Variants in ARHGEF6 observed in about 807,000 individuals in gnomAD.
ARHGEF6 encodes the protein Rac/Cdc42 guanine nucleotide exchange factor 6.
A neutral mutation model predicts 70.3 loss-of-function variants in ARHGEF6; 9 were observed. That is an observed-to-expected ratio of 0.13 (90% CI 0.08 to 0.22). ARHGEF6 has a LOEUF of 0.22. Ranked by LOEUF, ARHGEF6 falls within the 10% of genes least tolerant of loss-of-function variation. ARHGEF6 has a pLI of 1.00. For missense variants in ARHGEF6, 470 were observed against 563.0 expected, an observed-to-expected ratio of 0.83 and a Z score of 1.67; for synonymous variants, 201 against 207.8, an observed-to-expected ratio of 0.97 and a Z score of 0.28.
At chrX:136,774,712 A>T (rs2077390377) in intron 2 of ARHGEF6, among the ~76,000 whole-genome samples, 1 of 109,104 alleles carries the variant, frequency 9.2e-6, no homozygotes. Flanking sequence ...AGAAAAATTT[A>T]AAATTTCCTG....
At chrX:136,674,358 C>T (rs2076256437) in intron 19 of ARHGEF6, among the ~76,000 whole-genome samples, 1 of 112,410 alleles carries the variant, frequency 8.9e-6, no homozygotes, top group Non-Finnish European at 1.9e-5. Flanking sequence ...TAATGGGAGA[C>T]AAAAGACATA....
intron 2 of ARHGEF6, among the ~76,000 whole-genome samples, chrX:136,770,116 T>C (rs764955350): frequency 3.6e-5 from 4 of 112,218 alleles, no homozygotes; most frequent in African/African-American, 1.3e-4. Context: ...TGACATTATC[T>C]ATCACAATTT....
chrX:136,775,057 C>G (rs1050419913), intron 2 of ARHGEF6, among the ~76,000 whole-genome samples: 1 of 111,493 alleles, frequency 9.0e-6, no homozygotes, highest in Non-Finnish European at 1.9e-5. Context: ...ACATTCCGGG[C>G]ACTCTTCTGG....
At chrX:136,682,691 T>C in intron 13 of ARHGEF6, 67 bp downstream of exon 13, 1 of 867,600 alleles carries the variant, frequency 1.2e-6, no homozygotes. Context: ...AGTGGAGATA[T>C]TGCATCTGGA....
rs1340283160 is a variant in ARHGEF6, at chrX:136,727,411, CTCTT to C, written c.732+4687_732+4690del. Among the ~76,000 whole-genome samples the C allele has an allele frequency of 3.3e-3, 236 of 71,493 alleles. 3 individuals carry two copies. Among genetic ancestry groups the C allele is most frequent in the East Asian group, 0.011 (28 of 2,493 alleles). 62.1% of individuals were successfully genotyped at this position (71,493 alleles called of 115,157 possible). ...TTTCTTTCTTTCTCTCTCTCTCTCT[CTCTT>C]TCTTTCTTTCTTTCCTTCTTTCTTT... On this transcript the variant is annotated intron_variant, in intron 6 of 21. Coordinates refer to ENST00000250617, the MANE Select transcript of ARHGEF6 (RefSeq NM_004840.3).
At chrX:136,767,900 G>T (rs1395030412) in intron 2 of ARHGEF6, 3 of 603,518 alleles carry the variant, frequency 5.0e-6, no homozygotes, top group Non-Finnish European at 6.0e-6. Flanking sequence ...AGCAAAAGCC[G>T]CGGTGTACCC....
chrX:136,770,326 C>T (rs1389290119), intron 2 of ARHGEF6, among the ~76,000 whole-genome samples: 3 of 111,971 alleles, frequency 2.7e-5, no homozygotes, highest in Non-Finnish European at 5.6e-5. Flanking sequence ...TTTTAACAGA[C>T]GTAGAAAAAG....
Position 136,706,977 on chromosome X carries a change from T to C in ARHGEF6, c.977A>G (p.His326Arg). 1.7e-6 allele frequency: 2 copies of C among 1,211,012 alleles called. No individual in the cohort carries two copies. The highest frequency in any genetic ancestry group is 1.1e-6 in the Non-Finnish European group (1 of 894,683). The change falls in exon 9 of 22, where the codon CAT (histidine) becomes CGT (arginine). Residue 326 changes from histidine to arginine, a missense_variant. Coordinates refer to ENST00000250617, the MANE Select transcript of ARHGEF6 (RefSeq NM_004840.3). ...GTAAGCCAGATACATAGATTTAAAA[T>C]GAGGCATGAGACTCAGTAGACAACC... ...VGGCLLSLMP[H>R]FKSMYLAYCA...
At chrX:136,675,742 G>C (rs188395200) in intron 18 of ARHGEF6, among the ~76,000 whole-genome samples, 3 of 109,730 alleles carry the variant, frequency 2.7e-5, no homozygotes, top group Non-Finnish European at 3.8e-5. Context: ...GGATGGTCTC[G>C]ATCTCCTGAC....
intron 2 of ARHGEF6, among the ~76,000 whole-genome samples, chrX:136,748,940 C>A (rs1260023752): frequency 9.0e-6 from 1 of 111,569 alleles, no homozygotes; most frequent in Non-Finnish European, 1.9e-5. Flanking sequence ...AAGATACATG[C>A]AAATGCAAAC....
At chrX:136,671,099 G>A (rs1294624463) in intron 20 of ARHGEF6, among the ~76,000 whole-genome samples, 1 of 111,970 alleles carries the variant, frequency 8.9e-6, no homozygotes, top group South Asian at 3.7e-4. Context: ...ATTATTTATT[G>A]AGCTAGCCTT....
chrX:136,752,005 A>G (rs1448261296), intron 2 of ARHGEF6, among the ~76,000 whole-genome samples: 3 of 111,828 alleles, frequency 2.7e-5, no homozygotes, highest in Non-Finnish European at 5.6e-5. Flanking sequence ...GCCAATAAAG[A>G]TACACAAGAA....
In ARHGEF6 at chrX:136,716,725, G is replaced by A. The variant is rs779586412; in HGVS notation, c.733-3355C>T. 3.0e-3 allele frequency among the ~76,000 whole-genome samples: 336 copies of A among 112,104 alleles called. 2 individuals carry two copies. The highest frequency in any genetic ancestry group is 4.7e-3 in the Non-Finnish European group (249 of 53,163). ...GACTCTAACAGAAAAAGTAGACAAC[G>A]TGCAAGAATAGATGGATATTATAAG... On this transcript the variant is annotated intron_variant, in intron 6 of 21. Transcript: ENST00000250617.
At chrX:136,690,929 G>A (rs1214490078) in intron 9 of ARHGEF6, among the ~76,000 whole-genome samples, 181 bp from the exon 10 acceptor site, 1 of 111,202 alleles carries the variant, frequency 9.0e-6, no homozygotes, top group Non-Finnish European at 1.9e-5. Flanking sequence ...AGCTCCTTCT[G>A]TAAAATCAGC....
At chrX:136,732,749 A>G (rs2076948170) in intron 5 of ARHGEF6, among the ~76,000 whole-genome samples, 1 of 112,136 alleles carries the variant, frequency 8.9e-6, no homozygotes, top group African/African-American at 3.2e-5. Flanking sequence ...AAGGTAGGCT[A>G]GGCTAAGCTA....
chrX:136,682,046 C>G, intron 13 of ARHGEF6, 78 bp from the exon 14 acceptor site: 1 of 790,328 alleles, frequency 1.3e-6, no homozygotes, highest in Non-Finnish European at 1.9e-6. Context: ...TTCTGACCCT[C>G]TCAGCAAGGC....
intron 1 of ARHGEF6, among the ~76,000 whole-genome samples, chrX:136,780,422 T>G (rs2077438541): frequency 9.0e-6 from 1 of 111,645 alleles, no homozygotes; most frequent in African/African-American, 3.3e-5. Flanking sequence ...CAAGGAGATG[T>G]AACATGCATC....
intron 6 of ARHGEF6, among the ~76,000 whole-genome samples, chrX:136,719,337 G>A (rs1249492124): frequency 9.0e-6 from 1 of 111,384 alleles, no homozygotes; most frequent in Non-Finnish European, 1.9e-5. Context: ...GATCTCAGAC[G>A]ACAATGTAAT....
intron 6 of ARHGEF6, among the ~76,000 whole-genome samples, chrX:136,724,796 C>T (rs1352318674): frequency 8.9e-6 from 1 of 111,829 alleles, no homozygotes; most frequent in East Asian, 2.8e-4. Flanking sequence ...AGCTGTCACC[C>T]TCCCTTAAAG....
Sources: allele counts gnomAD v4.1 joint callset (sites outside exome capture counted in the v4.1 genomes callset), GRCh38; gene constraint gnomAD v4.1.1; transcripts MANE v1.5; gene names NCBI Gene and HGNC (gene_info 2026-07-23, HGNC 2026-07-21).